Variants in CATSPERG observed in about 807,000 individuals in gnomAD.
The protein encoded by CATSPERG is cation channel sperm-associated auxiliary subunit gamma.
CATSPERG carries 115 observed loss-of-function variants against 145.0 expected under a neutral mutation model. That is an observed-to-expected ratio of 0.79 (90% CI 0.68 to 0.93). The LOEUF (loss-of-function observed/expected upper bound fraction) is 0.93, where lower values mean the gene tolerates loss of function less well. Ranked by LOEUF, CATSPERG falls within the 40% of genes least tolerant of loss-of-function variation. CATSPERG has a pLI of 0.00. For synonymous variants in CATSPERG, 588 were observed against 589.0 expected, an observed-to-expected ratio of 1.00 and a Z score of 0.02; for missense variants, 1,296 against 1,490.1, an observed-to-expected ratio of 0.87 and a Z score of 2.14.
intron 26 of CATSPERG, chr19:38,369,761 G>A (rs1356862917): frequency 5.0e-6 from 3 of 598,854 alleles, no homozygotes; most frequent in Admixed American, 2.6e-5. Context: ...ATGGAGGTGT[G>A]AAGGCAGGAG....
intron 8 of CATSPERG, among the ~76,000 whole-genome samples, chr19:38,352,809 AAGAC>A (rs1189604749): frequency 6.6e-6 from 1 of 151,490 alleles, no homozygotes; most frequent in Non-Finnish European, 1.5e-5. Flanking sequence ...GCAAATCAGA[AAGAC>A]AGAGCGGGAG....
intron 7 of CATSPERG, among the ~76,000 whole-genome samples, chr19:38,351,383 C>G (rs909144494): frequency 2.0e-5 from 3 of 151,058 alleles, no homozygotes; most frequent in African/African-American, 7.3e-5. Flanking sequence ...CCGAGGTGGG[C>G]GGATCACGAG....
rs1268166403 is a variant in CATSPERG at position 38,367,239 on chromosome 19, C to T, written c.2697C>T (p.Ser899=). The T allele has an allele frequency of 6.2e-7, 1 of 1,613,956 alleles. No individual in the cohort carries two copies. ...AFDITYTLEY[S]RLKNKHYFDC... ...ACATCACCTACACGCTGGAATACAG[C>T]CGCCTGAAGAACAAACACTACTTTG... The change falls in exon 23 of 29, where the codon AGC becomes AGT. Residue 899 remains serine, a synonymous_variant. Coordinates refer to ENST00000409235, the MANE Select transcript of CATSPERG (RefSeq NM_021185.5).
chr19:38,344,923 T>TGAGACGGGGCCTCGCTCTGTCATCCAGGC (rs1970013703), intron 6 of CATSPERG, among the ~76,000 whole-genome samples: 1 of 131,290 alleles, frequency 7.6e-6, no homozygotes, highest in Admixed American at 7.9e-5. Context: ...TTTTTTTTTT[T>TGAGACGGGGCCTCGCTCTGTCATCCAGGC]TGAGACGGGG....
At chr19:38,369,668 G>A (rs1030776060) in intron 26 of CATSPERG, 2 of 425,712 alleles carry the variant, frequency 4.7e-6, no homozygotes, top group African/African-American at 4.0e-5. Context: ...AATGCAAGCA[G>A]CAAAGAATGA....
intron 7 of CATSPERG, among the ~76,000 whole-genome samples, chr19:38,348,418 C>T (rs968877063): frequency 2.6e-5 from 4 of 151,632 alleles, no homozygotes; most frequent in African/African-American, 9.7e-5. Flanking sequence ...ATCTAGGCCT[C>T]CTAAAGTGCT....
chr19:38,338,149 T>TTTTTG (rs1555726176), intron 3 of CATSPERG, among the ~76,000 whole-genome samples: 1 of 151,386 alleles, frequency 6.6e-6, no homozygotes, highest in Non-Finnish European at 1.5e-5. Flanking sequence ...TTCCATGTTT[T>TTTTTG]TTTTGTTTTG....
intron 20 of CATSPERG, among the ~76,000 whole-genome samples, chr19:38,363,472 GC>G (rs1970388944): frequency 6.6e-6 from 1 of 150,760 alleles, no homozygotes; most frequent in Non-Finnish European, 1.5e-5. Flanking sequence ...CCTGTGCTTG[GC>G]CCCGTTAGCC....
At chr19:38,362,632 G>A in intron 19 of CATSPERG, 58 bp downstream of exon 19, 2 of 1,602,408 alleles carry the variant, frequency 1.2e-6, no homozygotes, top group Non-Finnish European at 1.7e-6. Flanking sequence ...CAGAATCTGG[G>A]AGCCTGGGGG....
At chr19:38,353,990 CAAAAA>C (rs965226814) in intron 8 of CATSPERG, among the ~76,000 whole-genome samples, 18 of 30,590 alleles carry the variant, frequency 5.9e-4, no homozygotes, top group African/African-American at 2.1e-3. Context: ...GACTCTGTCT[CAAAAA>C]AAAAAAAAAA....
intron 9 of CATSPERG, 93 bp downstream of exon 9, chr19:38,354,940 G>A: frequency 6.9e-7 from 1 of 1,447,194 alleles, no homozygotes; most frequent in Non-Finnish European, 9.4e-7. Flanking sequence ...TCATTACCAT[G>A]TGCCCTGAGG....
In CATSPERG at chr19:38,370,028, C is replaced by T; in HGVS notation, c.3077C>T (p.Ala1026Val). The part of the protein sequence containing the change: ...CYDNVPQGIF[A>V]PEFFFKVLVS... ...GACAATGTTCCCCAAGGCATCTTTG[C>T]CCCTGAATTCTTCTTCAAGGTGTTG... Residue 1026 changes from alanine (A) to valine (V), a missense_variant, in exon 27 of 29, where the codon GCC becomes GTC. Physicochemically the swap from Ala to Val is moderately conservative, Grantham distance 64. Transcript: ENST00000409235. The T allele has an allele frequency of 3.1e-6, 5 of 1,614,218 alleles. No homozygotes were observed. Among genetic ancestry groups the T allele is most frequent in the African/African-American group, 1.3e-5 (1 of 75,054 alleles).
In CATSPERG at chr19:38,352,409, T is replaced by C; in HGVS notation, c.974T>C (p.Leu325Pro). 7.7e-6 allele frequency: 12 copies of C among 1,551,184 alleles called. No individual in the cohort carries two copies. The highest frequency in any genetic ancestry group is 9.6e-6 in the Non-Finnish European group (11 of 1,147,042). ...VYYFTGTYTT[L>P]YERNRGSGSW... ...TATTTTACAGGCACCTATACCACACTCTATGAGAGAAACCGCGGCAGTGGT... is the reference window on the plus strand; with the variant it reads ...TATTTTACAGGCACCTATACCACACCCTATGAGAGAAACCGCGGCAGTGGT... The change falls in exon 8 of 29, where the codon CTC (leucine) becomes CCC (proline). Residue 325 changes from leucine to proline, a missense_variant. Coordinates refer to ENST00000409235, the MANE Select transcript of CATSPERG (RefSeq NM_021185.5).
chr19:38,362,617 G>A (rs771410706), intron 19 of CATSPERG, 43 bp downstream of exon 19: 12 of 1,610,418 alleles, frequency 7.5e-6, no homozygotes, highest in South Asian at 2.2e-5. Context: ...CGGGGCGAGG[G>A]CTACCAGAAT....
chr19:38,368,158 C>A, intron 26 of CATSPERG, 21 bp downstream of exon 26: 1 of 1,607,382 alleles, frequency 6.2e-7, no homozygotes, highest in Non-Finnish European at 8.5e-7. Flanking sequence ...AGCCTGGCCC[C>A]TCTTGGCCCC....
Position 38,337,497 on chromosome 19 carries a change from C to T in CATSPERG, c.263C>T (p.Pro88Leu). ...FHMLVDSPID[P>L]SEKYLGFPYY... ...ATGCTGGTGGACTCACCCATCGACC[C>T]GAGCGAGGTGAGGGGACCAGGGTCA... Residue 88 changes from proline to leucine, a missense_variant, in exon 2 of 29, where the codon CCG becomes CTG. Coordinates refer to ENST00000409235, the MANE Select transcript of CATSPERG (RefSeq NM_021185.5). 6.4e-7 allele frequency: 1 copy of T among 1,552,012 alleles called. No individual in the cohort carries two copies. The highest frequency in any genetic ancestry group is 1.2e-5 in the South Asian group (1 of 84,058).
At chr19:38,337,031 C>T (rs1006200548) in intron 1 of CATSPERG, 190 bp from the exon 2 acceptor site, 15 of 658,394 alleles carry the variant, frequency 2.3e-5, no homozygotes, top group Non-Finnish European at 3.5e-5. Flanking sequence ...GGCTAAAAGT[C>T]CGTGCGGGGG....
rs1457655650 is a variant in CATSPERG at position 38,344,899 on chromosome 19, A to ATTT, written c.669+532_669+533insTTT. On this transcript the variant is annotated intron_variant, in intron 6 of 28. Coordinates refer to ENST00000409235, the MANE Select transcript of CATSPERG (RefSeq NM_021185.5). ...CACACACACATATATATATATATAT[A>ATTT]TATTTTTTTTTTTTTTTTTTTTTTT... Among the ~76,000 whole-genome samples the ATTT allele has an allele frequency of 2.1e-3, 194 of 93,042 alleles. 25 individuals are homozygous for ATTT. Among genetic ancestry groups the ATTT allele is most frequent in the Middle Eastern group, 5.1e-3 (1 of 196 alleles). The allele number at this position is 93,042 out of a possible 152,430, so 61.0% of individuals were successfully genotyped here.
chr19:38,352,775 G>A (rs543611654), intron 8 of CATSPERG, among the ~76,000 whole-genome samples: 2 of 151,476 alleles, frequency 1.3e-5, no homozygotes, highest in African/African-American at 4.9e-5. Context: ...GACGGGGAGA[G>A]AAAGTCAGAG....
Sources: gnomAD v4.1 joint callset for allele counts (sites outside exome capture counted in the v4.1 genomes callset) on GRCh38, gnomAD v4.1.1 for gene constraint, MANE v1.5 for transcripts, NCBI Gene and HGNC (gene_info 2026-07-23, HGNC 2026-07-21) for gene names.